Variants in UMAD1 observed in about 807,000 individuals in gnomAD.
UMAD1 encodes the protein UBAP1-MVB12-associated (UMA) domain containing 1.
UMAD1 carries 8 observed loss-of-function variants against 6.1 expected under a neutral mutation model. That is an observed-to-expected ratio of 1.30 (90% CI 0.76 to 2.35). UMAD1 has a LOEUF of 2.35. Ranked by LOEUF, UMAD1 falls within the 30% of genes most tolerant of loss-of-function variation. The pLI is 0.00. For missense variants in UMAD1, 130 were observed against 78.4 expected (o/e 1.66, Z -2.49); for synonymous variants, 56 against 31.4 (o/e 1.78, Z -2.61).
intron 1 of UMAD1, among the ~76,000 whole-genome samples, chr7:7,667,101 G>A (rs932688919): frequency 1.6e-4 from 25 of 152,304 alleles, no homozygotes; most frequent in African/African-American, 5.5e-4. Flanking sequence ...CAGCCACTGC[G>A]CCCGGCTGAC....
At chr7:7,864,935 C>G (rs941860614) in intron 3 of UMAD1, among the ~76,000 whole-genome samples, 6 of 152,108 alleles carry the variant, frequency 3.9e-5, no homozygotes, top group Admixed American at 1.3e-4. Context: ...ATAAAAACCT[C>G]TAAATAGTGG....
At chr7:7,742,054 G>T (rs1319911533) in intron 2 of UMAD1, 6 of 546,882 alleles carry the variant, frequency 1.1e-5, no homozygotes, top group African/African-American at 7.5e-5. Flanking sequence ...ACAGCACAGG[G>T]CTTGGTACAT....
intron 1 of UMAD1, among the ~76,000 whole-genome samples, chr7:7,669,175 A>G (rs553783407): frequency 6.6e-6 from 1 of 152,182 alleles, no homozygotes; most frequent in South Asian, 2.1e-4. Flanking sequence ...TATAGGGTTT[A>G]GTACTATTGT....
chr7:7,685,733 C>G (rs1485249455), intron 2 of UMAD1: 1 of 152,154 alleles, frequency 6.6e-6, no homozygotes, highest in Non-Finnish European at 1.5e-5. Context: ...CCGTACTATT[C>G]TAAAGCTTTT....
intron 2 of UMAD1, among the ~76,000 whole-genome samples, chr7:7,710,608 G>A (rs954171362): frequency 1.3e-5 from 2 of 152,240 alleles, no homozygotes; most frequent in African/African-American, 4.8e-5. Context: ...TGATAGGAAT[G>A]TAAAATGGTA....
chr7:7,736,132 G>T (rs889469197), intron 2 of UMAD1: 3 of 152,248 alleles, frequency 2.0e-5, no homozygotes, highest in Admixed American at 2.0e-4. Context: ...TGGGACAAAG[G>T]CCTTCCTGGT....
chr7:7,805,477 A>G (rs768202735), intron 3 of UMAD1, among the ~76,000 whole-genome samples: 1 of 152,154 alleles, frequency 6.6e-6, no homozygotes, highest in South Asian at 2.1e-4. Context: ...CACTGTTAGA[A>G]CAGTCTAAGC....
At chr7:7,720,539 A>G (rs1197151916) in intron 2 of UMAD1, among the ~76,000 whole-genome samples, 1 of 152,188 alleles carries the variant, frequency 6.6e-6, no homozygotes, top group Non-Finnish European at 1.5e-5. Flanking sequence ...TATAGTGCTG[A>G]CTAGTAAGCT....
chr7:7,797,836 A>G (rs758033528), intron 2 of UMAD1, among the ~76,000 whole-genome samples: 2 of 151,928 alleles, frequency 1.3e-5, no homozygotes, highest in African/African-American at 2.4e-5. Context: ...TTACAGGCAC[A>G]TGCCACCACC....
At chr7:7,832,257 T>A (rs1387592454) in intron 3 of UMAD1, among the ~76,000 whole-genome samples, 1 of 152,240 alleles carries the variant, frequency 6.6e-6, no homozygotes, top group Non-Finnish European at 1.5e-5. Context: ...TTATTGGTTT[T>A]TCTTAATCTT....
At chr7:7,692,925 T>C (rs997003779) in intron 2 of UMAD1, among the ~76,000 whole-genome samples, 1 of 152,180 alleles carries the variant, frequency 6.6e-6, no homozygotes, top group African/African-American at 2.4e-5. Flanking sequence ...GCTTTTAAAA[T>C]GGTATATTTC....
At chr7:7,702,995 A>G (rs1241827161) in intron 2 of UMAD1, among the ~76,000 whole-genome samples, 1 of 152,218 alleles carries the variant, frequency 6.6e-6, no homozygotes, top group Admixed American at 6.5e-5. Flanking sequence ...CCTTGAAGCC[A>G]TGCGAGCAGG....
intron 2 of UMAD1, among the ~76,000 whole-genome samples, chr7:7,783,281 A>T (rs1466161384): frequency 1.3e-5 from 2 of 152,234 alleles, no homozygotes; most frequent in African/African-American, 4.8e-5. Flanking sequence ...GCTGTTGGTT[A>T]TTAAAATACA....
chr7:7,854,144 C>T (rs10281142), intron 3 of UMAD1, among the ~76,000 whole-genome samples: 101,316 of 151,528 alleles, frequency 0.67, 34,745 homozygotes, highest in Middle Eastern at 0.76. Context: ...TCCCCTGAGG[C>T]TGGAAGTTTG....
intron 2 of UMAD1, among the ~76,000 whole-genome samples, chr7:7,690,960 A>G (rs1780159387): frequency 1.3e-5 from 2 of 152,186 alleles, no homozygotes; most frequent in Admixed American, 1.3e-4. Flanking sequence ...TTATCCCCTA[A>G]AGGAGTGCAG....
chr7:7,839,406 G>T (rs1563249310), intron 3 of UMAD1, among the ~76,000 whole-genome samples: 2 of 152,098 alleles, frequency 1.3e-5, no homozygotes. Flanking sequence ...GTACACATAG[G>T]GTCCCCCTAT....
chr7:7,719,198 T>C (rs961139301), intron 2 of UMAD1, among the ~76,000 whole-genome samples: 5 of 152,200 alleles, frequency 3.3e-5, no homozygotes, highest in Non-Finnish European at 7.3e-5. Context: ...TGATGAAATA[T>C]GATCAGCAAG....
intron 1 of UMAD1, among the ~76,000 whole-genome samples, chr7:7,665,972 A>G (rs1779443131): frequency 6.6e-6 from 1 of 151,660 alleles, no homozygotes; most frequent in African/African-American, 2.4e-5. Context: ...TTGGTTATTA[A>G]AAAAAAAGTT....
At chr7:7,714,803 TGTAGA>T (rs1345210174) in intron 2 of UMAD1, among the ~76,000 whole-genome samples, 2 of 151,846 alleles carry the variant, frequency 1.3e-5, no homozygotes, top group African/African-American at 2.4e-5. Flanking sequence ...TGGGCACTTG[TGTAGA>T]GTAATTTTTT....
Sources: allele counts gnomAD v4.1 joint callset (sites outside exome capture counted in the v4.1 genomes callset), GRCh38; gene constraint gnomAD v4.1.1; transcripts MANE v1.5; gene names NCBI Gene and HGNC (gene_info 2026-07-23, HGNC 2026-07-21).